POU6F2: variants seen among roughly 807,000 people sequenced by gnomAD.
POU6F2 encodes POU class 6 homeobox 2, also known as POU domain, class 6, transcription factor 2.
A neutral mutation model predicts 71.3 loss-of-function variants in POU6F2; 31 were observed. The ratio of observed to expected loss-of-function variants is 0.43; its 90% CI spans 0.33 to 0.59. POU6F2 has a LOEUF of 0.59. Among genes scored for constraint, POU6F2 ranks in the 20% least tolerant of loss-of-function variants. The pLI is 0.04. For missense variants in POU6F2, 783 were observed against 856.8 expected, an observed-to-expected ratio of 0.91 and a Z score of 1.07; for synonymous variants, 347 against 355.7, an observed-to-expected ratio of 0.98 and a Z score of 0.27.
chr7:39,046,457 C>A (rs956168776), intron 1 of POU6F2, among the ~76,000 whole-genome samples: 2 of 151,716 alleles, frequency 1.3e-5, no homozygotes, highest in African/African-American at 4.8e-5. Flanking sequence ...TCTTAATAAT[C>A]TTTTTTAAAA....
chr7:39,124,673 G>A (rs376185969), intron 2 of POU6F2, among the ~76,000 whole-genome samples: 1 of 152,062 alleles, frequency 6.6e-6, no homozygotes, highest in African/African-American at 2.4e-5. Flanking sequence ...AAAACCCACC[G>A]GTGAAGACTG....
At chr7:39,034,402 GAGA>G (rs1302753358) in intron 1 of POU6F2, 2 of 335,712 alleles carry the variant, frequency 6.0e-6, no homozygotes, top group Non-Finnish European at 1.3e-5. Context: ...GAGGCAGATA[GAGA>G]AGAAAATGAC....
chr7:39,324,040 G>A (rs138403775), intron 4 of POU6F2, among the ~76,000 whole-genome samples: 10 of 151,128 alleles, frequency 6.6e-5, no homozygotes, highest in South Asian at 4.2e-4. Context: ...CCCTGGAGGC[G>A]GAGCTTGCAG....
At chr7:39,416,927 T>C (rs1248249527) in intron 6 of POU6F2, among the ~76,000 whole-genome samples, 1 of 152,196 alleles carries the variant, frequency 6.6e-6, no homozygotes, top group Non-Finnish European at 1.5e-5. Context: ...GACCATACAA[T>C]GGGCTGTTGA....
At chr7:39,005,039 C>T (rs1789020337) in intron 1 of POU6F2, 1 of 152,256 alleles carries the variant, frequency 6.6e-6, no homozygotes, top group Non-Finnish European at 1.5e-5. Context: ...AGAACAAACC[C>T]TATAAGGTAA....
At chr7:39,044,927 CTG>C (rs766765929) in intron 1 of POU6F2, among the ~76,000 whole-genome samples, 11 of 151,902 alleles carry the variant, frequency 7.2e-5, no homozygotes, top group Non-Finnish European at 1.5e-4. Flanking sequence ...TGATTCCTAT[CTG>C]TGGTCATTCC....
intron 4 of POU6F2, among the ~76,000 whole-genome samples, chr7:39,331,936 T>A (rs1785662532): frequency 6.6e-6 from 1 of 152,258 alleles, no homozygotes; most frequent in Non-Finnish European, 1.5e-5. Flanking sequence ...TGCTGTTTGT[T>A]TGTTTTGCCA....
Position 39,015,851 on chromosome 7 carries a change from AG to A in POU6F2, c.105+37794del, listed in dbSNP as rs1407784318. 1.3e-4 allele frequency among the ~76,000 whole-genome samples: 6 copies of A among 44,544 alleles called. No individual in the cohort carries two copies. The East Asian group carries it at 2.0e-3, about 15-fold the overall frequency. 29.2% of individuals were successfully genotyped at this position (44,544 alleles called of 152,430 possible). ...TATAGATATATAATATATTATATAT[AG>A]ATATATATAATATATTATATATAGA... is the stretch of plus-strand genomic sequence containing the variant. On this transcript the variant is annotated intron_variant, in intron 1 of 9. Transcript: ENST00000518318.
At chr7:39,178,639 T>C (rs1433428204) in intron 2 of POU6F2, among the ~76,000 whole-genome samples, 1 of 152,176 alleles carries the variant, frequency 6.6e-6, no homozygotes, top group Non-Finnish European at 1.5e-5. Context: ...TTGAGTCTTT[T>C]CATGAAAAAT....
chr7:39,124,120 C>T (rs1291300561), intron 2 of POU6F2, among the ~76,000 whole-genome samples: 1 of 146,886 alleles, frequency 6.8e-6, no homozygotes, highest in African/African-American at 2.5e-5. Flanking sequence ...AATCTTGGCT[C>T]ACTGCAACCT....
At chr7:39,245,447 A>G (rs894558300) in intron 4 of POU6F2, among the ~76,000 whole-genome samples, 1 of 152,210 alleles carries the variant, frequency 6.6e-6, no homozygotes, top group African/African-American at 2.4e-5. Context: ...TAGCTGAGCC[A>G]TTGGCCCAAG....
chr7:39,288,833 A>G (rs1293876253), intron 4 of POU6F2, among the ~76,000 whole-genome samples: 1 of 152,126 alleles, frequency 6.6e-6, no homozygotes, highest in East Asian at 1.9e-4. Flanking sequence ...CCAAGCCCCC[A>G]TGCAATTTCA....
At chr7:39,118,334 GAT>G (rs1430098372) in intron 2 of POU6F2, among the ~76,000 whole-genome samples, 1 of 151,932 alleles carries the variant, frequency 6.6e-6, no homozygotes, top group Admixed American at 6.6e-5. Context: ...CAATATGAAA[GAT>G]AGATAATAAA....
At chr7:39,369,035 A>C (rs563882100) in intron 5 of POU6F2, among the ~76,000 whole-genome samples, 1 of 152,322 alleles carries the variant, frequency 6.6e-6, no homozygotes, top group East Asian at 1.9e-4. Flanking sequence ...CTCATGAGAA[A>C]ATTTTAAAGG....
chr7:39,441,973 T>C (rs1788416654), intron 7 of POU6F2, among the ~76,000 whole-genome samples: 1 of 152,050 alleles, frequency 6.6e-6, no homozygotes. Flanking sequence ...AAGAAGAAAG[T>C]CCCAATATTA....
intron 4 of POU6F2, among the ~76,000 whole-genome samples, chr7:39,260,704 A>T (rs774993190): frequency 6.6e-6 from 1 of 151,792 alleles, no homozygotes. Flanking sequence ...ACAAGCATAC[A>T]TACCGCACAC....
chr7:39,453,910 G>A (rs1788722267), intron 8 of POU6F2, among the ~76,000 whole-genome samples: 1 of 152,152 alleles, frequency 6.6e-6, no homozygotes, highest in Non-Finnish European at 1.5e-5. Context: ...AGTTGTCTCT[G>A]CAGGCCAGGA....
chr7:39,081,860 C>G (rs760156663), intron 1 of POU6F2, among the ~76,000 whole-genome samples: 94 of 152,210 alleles, frequency 6.2e-4, no homozygotes, highest in Non-Finnish European at 2.4e-4. Flanking sequence ...GAATTTTTCA[C>G]TCAACGCCTA....
rs185902201 is a variant in POU6F2, at chr7:38,982,687, A to G, written c.105+4629A>G. Reference sequence around the variant, plus strand: ...CCAATAATGTTAATACTAAACAACAATTAGATGAACTTGGGTCTTGAAACT... The same window carrying G: ...CCAATAATGTTAATACTAAACAACAGTTAGATGAACTTGGGTCTTGAAACT... On this transcript the variant is annotated intron_variant, in intron 1 of 9. Transcript: ENST00000518318. 1.8e-4 allele frequency among the ~76,000 whole-genome samples: 27 copies of G among 152,212 alleles called. No individual in the cohort carries two copies. The East Asian group carries it at 5.0e-3, about 28-fold the overall frequency.
Sources: gnomAD v4.1 joint callset for allele counts (sites outside exome capture counted in the v4.1 genomes callset) on GRCh38, gnomAD v4.1.1 for gene constraint, MANE v1.5 for transcripts, NCBI Gene and HGNC (gene_info 2026-07-23, HGNC 2026-07-21) for gene names.